The following CIMIP6 variants were observed in gnomAD, a reference collection of about 807,000 sequenced individuals.
The protein encoded by CIMIP6 is ciliary microtubule inner protein 6.
chr2:54,333,607 G>A, the CIMIP6 span, among the ~76,000 whole-genome samples: 1 of 152,236 alleles, frequency 6.6e-6, no homozygotes, highest in Non-Finnish European at 1.5e-5. Context: ...AAATGATGTG[G>A]GCGAGGCACA....
chr2:54,371,371 A>T, the CIMIP6 span, among the ~76,000 whole-genome samples: 7 of 152,140 alleles, frequency 4.6e-5, no homozygotes, highest in African/African-American at 1.4e-4. Context: ...TTGGGTCTTT[A>T]GGGGGAAGGC....
chr2:54,371,479 A>G, the CIMIP6 span, among the ~76,000 whole-genome samples: 1 of 152,180 alleles, frequency 6.6e-6, no homozygotes, highest in Non-Finnish European at 1.5e-5. Flanking sequence ...ATGGCCATGC[A>G]TTGATGAGTT....
chr2:54,361,063 C>T, the CIMIP6 span: 1 of 152,206 alleles, frequency 6.6e-6, no homozygotes, highest in African/African-American at 2.4e-5. Flanking sequence ...TCAATGTAAT[C>T]ATATCATCAC....
chr2:54,340,382 G>A, the CIMIP6 span, among the ~76,000 whole-genome samples: 148,588 of 151,954 alleles, frequency 0.98, 72,670 homozygotes, highest in East Asian at 1. Context: ...TGATACAAAG[G>A]TAAAGACGAG....
chr2:54,358,048 T>C, the CIMIP6 span, among the ~76,000 whole-genome samples: 1 of 152,200 alleles, frequency 6.6e-6, no homozygotes, highest in East Asian at 1.9e-4. Context: ...ATGTTAAACA[T>C]ACATGGAGCA....
the CIMIP6 span, among the ~76,000 whole-genome samples, chr2:54,331,281 C>T: frequency 4.4e-4 from 67 of 152,256 alleles, 1 homozygote; most frequent in African/African-American, 1.5e-3. Context: ...TAGTCTTTAC[C>T]TTTAAAATTA....
the CIMIP6 span, among the ~76,000 whole-genome samples, chr2:54,370,498 A>T: frequency 6.6e-6 from 1 of 152,142 alleles, no homozygotes; most frequent in Admixed American, 6.5e-5. Flanking sequence ...AACTTGCCAT[A>T]CAGTTGACAT....
At chr2:54,373,050 C>T in the CIMIP6 span, among the ~76,000 whole-genome samples, 1 of 152,126 alleles carries the variant, frequency 6.6e-6, no homozygotes, top group South Asian at 2.1e-4. Flanking sequence ...GCAGTGGTCT[C>T]CTACTGACCT....
At chr2:54,357,111 G>A in the CIMIP6 span, among the ~76,000 whole-genome samples, 1 of 152,156 alleles carries the variant, frequency 6.6e-6, no homozygotes, top group Non-Finnish European at 1.5e-5. Context: ...TGATTAAGTA[G>A]AAAATGAGTT....
At chr2:54,360,324 A>T in the CIMIP6 span, 85 of 1,611,698 alleles carry the variant, frequency 5.3e-5, no homozygotes, top group East Asian at 1.8e-3. Context: ...AAAAAAACAG[A>T]GAAAGGAAAC....
chr2:54,363,461 T>C, the CIMIP6 span, among the ~76,000 whole-genome samples: 1 of 152,126 alleles, frequency 6.6e-6, no homozygotes, highest in African/African-American at 2.4e-5. Flanking sequence ...CCACATGCAG[T>C]TCCCTAACTT....
chr2:54,375,270 G>T, the CIMIP6 span, among the ~76,000 whole-genome samples: 4 of 152,058 alleles, frequency 2.6e-5, no homozygotes, highest in Non-Finnish European at 4.4e-5. Flanking sequence ...AATATATAAA[G>T]ATATTAAAAG....
At chr2:54,342,838 T>G in the CIMIP6 span, among the ~76,000 whole-genome samples, 1 of 152,160 alleles carries the variant, frequency 6.6e-6, no homozygotes, top group Admixed American at 6.5e-5. Flanking sequence ...CTAACTGTAT[T>G]CCAGGAACTC....
chr2:54,345,470 C>T, the CIMIP6 span, among the ~76,000 whole-genome samples: 1 of 152,130 alleles, frequency 6.6e-6, no homozygotes, highest in Non-Finnish European at 1.5e-5. Context: ...AATTTCATCT[C>T]CTGCTTTTGA....
chr2:54,333,766 G>C, the CIMIP6 span, among the ~76,000 whole-genome samples: 1 of 151,960 alleles, frequency 6.6e-6, no homozygotes, highest in Admixed American at 6.6e-5. Flanking sequence ...GGTGGTGCGC[G>C]CCTGTAACCC....
chr2:54,344,703 A>G, the CIMIP6 span, among the ~76,000 whole-genome samples: 1 of 92,648 alleles, frequency 1.1e-5, no homozygotes. Context: ...ATTTCGGTAA[A>G]TCAAGCTGAT....
the CIMIP6 span, among the ~76,000 whole-genome samples, chr2:54,368,011 T>C: frequency 6.6e-6 from 1 of 152,118 alleles, no homozygotes; most frequent in Non-Finnish European, 1.5e-5. Context: ...CCCCAAAAAA[T>C]GGTCCCCAGA....
At chr2:54,354,730 C>G in the CIMIP6 span, among the ~76,000 whole-genome samples, 2 of 151,912 alleles carry the variant, frequency 1.3e-5, no homozygotes, top group Admixed American at 6.6e-5. Context: ...TTGATGGACT[C>G]TTGTGGTTTT....
At chr2:54,375,997 T>A in the CIMIP6 span, among the ~76,000 whole-genome samples, 26 of 152,190 alleles carry the variant, frequency 1.7e-4, no homozygotes, top group African/African-American at 6.0e-4. Context: ...TACTCTTCAA[T>A]GTTGTTTAAA....
Sources: allele counts gnomAD v4.1 joint callset (sites outside exome capture counted in the v4.1 genomes callset), GRCh38; gene constraint gnomAD v4.1.1; transcripts MANE v1.5; gene names NCBI Gene and HGNC (gene_info 2026-07-23, HGNC 2026-07-21).